The following TENM3 variants were observed in gnomAD, a reference collection of about 807,000 sequenced individuals.
The protein encoded by TENM3 is teneurin transmembrane protein 3.
TENM3 carries 63 observed loss-of-function variants against 255.1 expected under a neutral mutation model. The ratio of observed to expected loss-of-function variants is 0.25; its 90% confidence interval spans 0.20 to 0.30. The LOEUF (loss-of-function observed/expected upper bound fraction) is 0.30, where lower values mean the gene tolerates loss of function less well. Among genes scored for constraint, TENM3 ranks in the 10% least tolerant of loss-of-function variants. TENM3 has a pLI of 1.00. For missense variants in TENM3, 2,929 were observed against 3,461.1 expected, an observed-to-expected ratio of 0.85 and a Z score of 3.86; for synonymous variants, 1,306 against 1,322.3, an observed-to-expected ratio of 0.99 and a Z score of 0.27.
chr4:181,763,986 T>C, the TENM3 span, among the ~76,000 whole-genome samples: 1 of 152,320 alleles, frequency 6.6e-6, no homozygotes, highest in Middle Eastern at 3.4e-3. Flanking sequence ...AGCTGATTTG[T>C]CCAACTGAAA....
chr4:182,183,764 A>G (rs1318625866), intron 1 of TENM3, among the ~76,000 whole-genome samples: 1 of 152,180 alleles, frequency 6.6e-6, no homozygotes, highest in African/African-American at 2.4e-5. Flanking sequence ...TCTAGATCAT[A>G]TTATATTAAT....
At chr4:181,463,597 GGTT>G in the TENM3 span, among the ~76,000 whole-genome samples, 8 of 152,046 alleles carry the variant, frequency 5.3e-5, no homozygotes, top group South Asian at 2.1e-4. Flanking sequence ...AAAGATTTTT[GGTT>G]GTTGTCATTG....
chr4:181,999,180 A>G, the TENM3 span, among the ~76,000 whole-genome samples: 31,392 of 152,034 alleles, frequency 0.21, 3,388 homozygotes, highest in Admixed American at 0.26. Context: ...GTTACAGGAT[A>G]TGCTTGATTT....
chr4:181,947,488 A>G, the TENM3 span, among the ~76,000 whole-genome samples: 2 of 152,148 alleles, frequency 1.3e-5, no homozygotes, highest in Non-Finnish European at 2.9e-5. Flanking sequence ...TTACTCTTTC[A>G]CTAACTCATT....
At chr4:181,988,496 T>C in the TENM3 span, among the ~76,000 whole-genome samples, 1 of 152,082 alleles carries the variant, frequency 6.6e-6, no homozygotes, top group Non-Finnish European at 1.5e-5. Flanking sequence ...CAGCTGTTGT[T>C]TCTATTGTCA....
the TENM3 span, among the ~76,000 whole-genome samples, chr4:182,068,939 T>G: frequency 6.6e-6 from 1 of 152,030 alleles, no homozygotes; most frequent in African/African-American, 2.4e-5. Context: ...CAATACAAAT[T>G]AATAGGTGTT....
At chr4:181,570,801 A>G in the TENM3 span, among the ~76,000 whole-genome samples, 15 of 152,296 alleles carry the variant, frequency 9.8e-5, no homozygotes, top group Admixed American at 2.6e-4. Flanking sequence ...TTCGATCTGC[A>G]AGACATTTAC....
chr4:182,269,289 A>G (rs1759455802), intron 1 of TENM3, among the ~76,000 whole-genome samples: 1 of 152,172 alleles, frequency 6.6e-6, no homozygotes, highest in Admixed American at 6.5e-5. Flanking sequence ...CAGCCACTAA[A>G]CCCTGAAAGG....
At chr4:182,134,751 T>C in the TENM3 span, among the ~76,000 whole-genome samples, 1 of 152,204 alleles carries the variant, frequency 6.6e-6, no homozygotes, top group Admixed American at 6.5e-5. Context: ...GAGCTACGTC[T>C]TCATCAGGTA....
chr4:182,007,118 T>C, the TENM3 span, among the ~76,000 whole-genome samples: 1 of 152,194 alleles, frequency 6.6e-6, no homozygotes, highest in Non-Finnish European at 1.5e-5. Context: ...TCAGTTCTTC[T>C]GCATTTACTG....
the TENM3 span, among the ~76,000 whole-genome samples, chr4:182,094,772 A>G: frequency 6.6e-6 from 1 of 152,164 alleles, no homozygotes; most frequent in Non-Finnish European, 1.5e-5. Flanking sequence ...ATGACATAAT[A>G]GTTGAAAGAG....
chr4:182,225,358 T>G (rs1756086074), intron 1 of TENM3, among the ~76,000 whole-genome samples: 1 of 152,090 alleles, frequency 6.6e-6, no homozygotes. Context: ...TGGAGCCTGG[T>G]CTCTGGATGC....
chr4:182,593,621 T>G (rs1393671891), intron 3 of TENM3, among the ~76,000 whole-genome samples: 1 of 152,046 alleles, frequency 6.6e-6, no homozygotes, highest in Non-Finnish European at 1.5e-5. Flanking sequence ...GAGAACAGGG[T>G]GAAGGAAGTG....
intron 3 of TENM3, among the ~76,000 whole-genome samples, chr4:182,368,758 C>T (rs955117991): frequency 7.2e-5 from 11 of 152,100 alleles, no homozygotes; most frequent in South Asian, 2.1e-4. Context: ...TATATACCCA[C>T]GAGTCCTGGT....
chr4:182,745,466 A>G (rs771961218), intron 19 of TENM3, among the ~76,000 whole-genome samples: 5 of 152,368 alleles, frequency 3.3e-5, no homozygotes, highest in South Asian at 4.1e-4. Context: ...GGCAATACAG[A>G]AAAAACTATC....
chr4:182,794,728 C>T (rs539222355), intron 26 of TENM3, among the ~76,000 whole-genome samples: 131 of 152,236 alleles, frequency 8.6e-4, no homozygotes, highest in Admixed American at 2.7e-3. Context: ...TGTAGAACAT[C>T]AGATCCCACT....
At chr4:181,931,986 C>T in the TENM3 span, among the ~76,000 whole-genome samples, 1 of 152,104 alleles carries the variant, frequency 6.6e-6, no homozygotes, top group East Asian at 1.9e-4. Context: ...GAAACTGGAC[C>T]CCTTCCTTAC....
At chr4:182,411,961 A>G (rs1320079647) in intron 3 of TENM3, among the ~76,000 whole-genome samples, 2 of 152,198 alleles carry the variant, frequency 1.3e-5, no homozygotes, top group Non-Finnish European at 2.9e-5. Flanking sequence ...GTGAGGGTCT[A>G]CTGGACTCTG....
upstream of TENM3, among the ~76,000 whole-genome samples, chr4:182,238,611 C>T (rs894003618): frequency 2.6e-5 from 4 of 152,100 alleles, no homozygotes; most frequent in Non-Finnish European, 5.9e-5. Context: ...GGGGCAGTGA[C>T]GGGCAGACAG....
Sources: allele counts gnomAD v4.1 joint callset (sites outside exome capture counted in the v4.1 genomes callset), GRCh38; gene constraint gnomAD v4.1.1; transcripts MANE v1.5; gene names NCBI Gene and HGNC (gene_info 2026-07-23, HGNC 2026-07-21).